The following MOCOS variants were observed in gnomAD, a reference collection of about 807,000 sequenced individuals.
The protein encoded by MOCOS is human molybdenum cofactor sulfurase.
In MOCOS, 86 loss-of-function variants were observed where a neutral mutation model predicts 83.6. The ratio of observed to expected loss-of-function variants is 1.03; its 90% CI spans 0.86 to 1.23. MOCOS has a LOEUF of 1.23. MOCOS is among the 50% of genes most tolerant of loss of function. MOCOS has a pLI of 0.00. For synonymous variants in MOCOS, 445 were observed against 434.7 expected, an observed-to-expected ratio of 1.02 and a Z score of -0.29; for missense variants, 1,120 against 1,126.9, an observed-to-expected ratio of 0.99 and a Z score of 0.09.
intron 9 of MOCOS, among the ~76,000 whole-genome samples, chr18:36,223,447 G>C (rs1356686720): frequency 2.0e-5 from 3 of 152,110 alleles, no homozygotes; most frequent in East Asian, 3.9e-4. Flanking sequence ...TCATTAGTCT[G>C]TGTATCTGTC....
chr18:36,225,506 C>T (rs1477925873), intron 9 of MOCOS, among the ~76,000 whole-genome samples: 1 of 152,182 alleles, frequency 6.6e-6, no homozygotes, highest in Non-Finnish European at 1.5e-5. Context: ...TTTCAAAAAT[C>T]CAACTTAGTT....
rs139665091 is a variant in MOCOS, at chr18:36,199,900, A to G, written c.517A>G (p.Arg173Gly). 65 of 1,614,012 alleles carry G rather than the reference A, an allele frequency of 4.0e-5. No individual in the cohort carries two copies. The African/African-American group carries it at 6.5e-4, about 16-fold the overall frequency. The change falls in exon 4 of 15, where the codon AGG (arginine) becomes GGG (glycine). Residue 173 changes from arginine (R) to glycine (G), a missense_variant. By Grantham distance (125) the Arg-to-Gly change is moderately radical. Transcript: ENST00000261326. ...MAINVISTPV[R>G]PEDLWSAEER... ...TATAAATGTCATATCCACCCCGGTC[A>G]GGCCAGAGGACCTGTGGTCTGCAGA... is the stretch of plus-strand genomic sequence containing the variant.
chr18:36,263,820 T>C (rs1249208484), intron 13 of MOCOS, among the ~76,000 whole-genome samples: 1 of 152,228 alleles, frequency 6.6e-6, no homozygotes, highest in East Asian at 1.9e-4. Flanking sequence ...AAATACTAGT[T>C]GCTAAGAATA....
At chr18:36,193,317 C>CAAAAAAAAA (rs555145311) in intron 1 of MOCOS, among the ~76,000 whole-genome samples, 14 of 38,310 alleles carry the variant, frequency 3.7e-4, no homozygotes, top group East Asian at 1.3e-3. Context: ...GACTCCGTCT[C>CAAAAAAAAA]AAAAAAAAAA....
At chr18:36,206,968 G>A (rs1189557748) in intron 6 of MOCOS, among the ~76,000 whole-genome samples, 1 of 152,148 alleles carries the variant, frequency 6.6e-6, no homozygotes, top group Non-Finnish European at 1.5e-5. Context: ...CTTTATGGTA[G>A]GATGATTTAT....
Position 36,205,262 on chromosome 18 carries a change from A to C in MOCOS, c.1204A>C (p.Ile402Leu), listed in dbSNP as rs1435462498. ...TGTGCTGGATGACAAAGGGAACATC[A>C]TTGGTTACTCCCAGGTGGGTTTTCT... ...FNVLDDKGNI[I>L]GYSQVDKMAS... The change falls in exon 6 of 15, where the codon ATT becomes CTT. Residue 402 changes from isoleucine (I) to leucine (L), a missense_variant. Physicochemically the swap from Ile to Leu is conservative, Grantham distance 5. Transcript: ENST00000261326. The C allele has an allele frequency of 1.2e-6, 2 of 1,613,628 alleles. No homozygotes were observed. Among genetic ancestry groups the C allele is most frequent in the Non-Finnish European group, 1.7e-6 (2 of 1,179,922 alleles).
At chr18:36,241,088 C>T (rs901468654) in intron 9 of MOCOS, among the ~76,000 whole-genome samples, 26 of 152,242 alleles carry the variant, frequency 1.7e-4, no homozygotes, top group Non-Finnish European at 3.1e-4. Flanking sequence ...AGAAATCACC[C>T]GTCTTCTGCG....
intron 9 of MOCOS, among the ~76,000 whole-genome samples, chr18:36,231,307 G>A (rs1317519732): frequency 6.6e-6 from 1 of 152,142 alleles, no homozygotes; most frequent in African/African-American, 2.4e-5. Context: ...ACATTGCTGG[G>A]TTTGGTTTGC....
At position 36,220,109 on chromosome 18, in the gene MOCOS, G is replaced by C; in HGVS notation, c.1852G>C (p.Val618Leu). ...QGLLYDRSWMVVNHNGVCLSQ... is the reference protein window; with the variant it reads ...QGLLYDRSWMLVNHNGVCLSQ... ...GCTGCTATATGACCGGAGCTGGATG[G>C]TTGTGAATCACAATGGTGTTTGCCT... Residue 618 changes from valine (V) to leucine (L), a missense_variant, in exon 9 of 15, where the codon GTT (valine) becomes CTT (leucine). Coordinates refer to ENST00000261326, the MANE Select transcript of MOCOS (RefSeq NM_017947.4). The C allele has an allele frequency of 6.2e-7, 1 of 1,614,034 alleles. No individual in the cohort carries two copies. Among genetic ancestry groups the C allele is most frequent in the Non-Finnish European group, 8.5e-7 (1 of 1,180,030 alleles).
chr18:36,203,200 A>G lies in MOCOS; in HGVS notation c.1018+11A>G. 1.2e-6 allele frequency: 2 copies of G among 1,611,844 alleles called. No individual in the cohort carries two copies. The highest frequency in any genetic ancestry group is 1.7e-6 in the Non-Finnish European group (2 of 1,177,940). ...TAGAGCGCCTCACAGGTCAGTGGAC[A>G]TTTCTATCCCTGTGGAATTTGCTCC... On this transcript the variant is annotated intron_variant, in intron 5 of 14. Coordinates refer to ENST00000261326, the MANE Select transcript of MOCOS (RefSeq NM_017947.4).
At chr18:36,262,183 A>G (rs1363049712) in intron 13 of MOCOS, among the ~76,000 whole-genome samples, 2 of 151,412 alleles carry the variant, frequency 1.3e-5, no homozygotes, top group African/African-American at 4.9e-5. Context: ...ACGCTAATAC[A>G]AGTATTAAAA....
intron 1 of MOCOS, among the ~76,000 whole-genome samples, chr18:36,193,405 CAAATG>C (rs1486996296): frequency 1.6e-5 from 2 of 126,970 alleles, no homozygotes; most frequent in Admixed American, 8.4e-5. Flanking sequence ...CACATATAGA[CAAATG>C]AAATATAATT....
chr18:36,265,106 A>G (rs563870492), intron 13 of MOCOS, among the ~76,000 whole-genome samples: 70 of 152,336 alleles, frequency 4.6e-4, no homozygotes, highest in Non-Finnish European at 8.5e-4. Context: ...CAGAATTGGC[A>G]TCAGTTCATT....
Position 36,220,212 on chromosome 18 carries a change from C to A in MOCOS, c.1955C>A (p.Ala652Asp). The change falls in exon 9 of 15, where the codon GCC (alanine) becomes GAC (aspartate). Residue 652 changes from alanine (A) to aspartate (D), a missense_variant. By Grantham distance (126) the Ala-to-Asp change is moderately radical (BLOSUM62 -2). Transcript: ENST00000261326. ...DLRQRIMVIKAKGMEPIEVPL... is the reference protein window; with the variant it reads ...DLRQRIMVIKDKGMEPIEVPL... ...CGGCAAAGGATCATGGTCATCAAAGCCAAAGGTGGGAAAACTGCTTCATTT... is the reference window on the plus strand; with the variant it reads ...CGGCAAAGGATCATGGTCATCAAAGACAAAGGTGGGAAAACTGCTTCATTT... 1 of 1,614,112 alleles carries A rather than the reference C, an allele frequency of 6.2e-7. No individual in the cohort carries two copies. The highest frequency in any genetic ancestry group is 1.1e-5 in the South Asian group (1 of 91,080).
chr18:36,193,892 A>G (rs1281201367), intron 1 of MOCOS, among the ~76,000 whole-genome samples: 1 of 152,236 alleles, frequency 6.6e-6, no homozygotes, highest in Non-Finnish European at 1.5e-5. Flanking sequence ...GAAACAATCC[A>G]AATATTCCTC....
chr18:36,208,607 G>A (rs2091442983), intron 6 of MOCOS, among the ~76,000 whole-genome samples: 1 of 152,100 alleles, frequency 6.6e-6, no homozygotes, highest in Non-Finnish European at 1.5e-5. Context: ...CATTATTAGT[G>A]TATAAAAATG....
intron 1 of MOCOS, among the ~76,000 whole-genome samples, chr18:36,192,555 C>T (rs796163894): frequency 2.0e-5 from 3 of 152,294 alleles, no homozygotes; most frequent in African/African-American, 7.2e-5. Flanking sequence ...AATGAAATGC[C>T]TATCAAAATC....
chr18:36,187,559 A>C lies in MOCOS; in HGVS notation c.20A>C (p.Glu7Ala). The C allele has an allele frequency of 8.1e-7, 1 of 1,241,686 alleles. No individual in the cohort carries two copies. The highest frequency in any genetic ancestry group is 1.0e-6 in the Non-Finnish European group (1 of 992,762). The allele number at this position is 1,241,686 out of a possible 1,614,324, so 76.9% of individuals were successfully genotyped here. Reference sequence around the variant, plus strand: ...GGGGCCATGGCCGGCGCGGCGGCGGAGTCAGGGCGGGAGCTGTGGACCTTC... The same window carrying C: ...GGGGCCATGGCCGGCGCGGCGGCGGCGTCAGGGCGGGAGCTGTGGACCTTC... MAGAAA[E>A]SGRELWTFAG... is the part of the protein sequence containing the mutation. The change falls in exon 1 of 15, where the codon GAG (glutamate) becomes GCG (alanine). Residue 7 changes from glutamate (E) to alanine (A), a missense_variant. Coordinates refer to ENST00000261326, the MANE Select transcript of MOCOS (RefSeq NM_017947.4).
intron 13 of MOCOS, among the ~76,000 whole-genome samples, chr18:36,261,587 T>C (rs1252452107): frequency 6.6e-6 from 1 of 152,214 alleles, no homozygotes; most frequent in African/African-American, 2.4e-5. Context: ...AGATCTGGGG[T>C]ATAGGAAATA....
Sources: gnomAD v4.1 joint callset for allele counts (sites outside exome capture counted in the v4.1 genomes callset) on GRCh38, gnomAD v4.1.1 for gene constraint, MANE v1.5 for transcripts, NCBI Gene and HGNC (gene_info 2026-07-23, HGNC 2026-07-21) for gene names.